Variants in ADAMTS17 observed in about 807,000 individuals in gnomAD.
ADAMTS17 encodes the protein ADAM metallopeptidase with thrombospondin type 1 motif 17, also known as A disintegrin and metalloproteinase with thrombospondin motifs 17.
In ADAMTS17, 113 loss-of-function variants were observed where a neutral mutation model predicts 141.5. That is an observed-to-expected ratio of 0.80 (90% CI 0.69 to 0.93). The LOEUF (loss-of-function observed/expected upper bound fraction) is 0.93, where lower values mean the gene tolerates loss of function less well. ADAMTS17 is among the 40% of genes least tolerant of loss of function. The pLI is 0.00. For synonymous variants in ADAMTS17, 768 were observed against 630.6 expected, an observed-to-expected ratio of 1.22 and a Z score of -3.27; for missense variants, 1,659 against 1,517.9, an observed-to-expected ratio of 1.09 and a Z score of -1.54.
chr15:100,221,172 G>A (rs2042122415), intron 7 of ADAMTS17, among the ~76,000 whole-genome samples: 1 of 151,822 alleles, frequency 6.6e-6, no homozygotes, highest in Admixed American at 6.6e-5. Context: ...ACACCTACAA[G>A]ATGCTCACAA....
chr15:100,025,966 A>G (rs529996898), intron 18 of ADAMTS17, among the ~76,000 whole-genome samples: 5 of 152,328 alleles, frequency 3.3e-5, no homozygotes, highest in East Asian at 1.9e-4. Context: ...TATATAAATT[A>G]TAAGTATACA....
intron 18 of ADAMTS17, among the ~76,000 whole-genome samples, chr15:100,018,217 T>C (rs755861493): frequency 5.9e-5 from 9 of 152,218 alleles, no homozygotes; most frequent in Non-Finnish European, 1.3e-4. Flanking sequence ...TCAATGTGCA[T>C]CTGTGTCGTA....
At chr15:100,046,736 TCTTTA>T (rs1375023020) in intron 18 of ADAMTS17, among the ~76,000 whole-genome samples, 5 of 152,322 alleles carry the variant, frequency 3.3e-5, no homozygotes, top group Admixed American at 1.3e-4. Context: ...CCTATGCCTG[TCTTTA>T]CTTTAATCTC....
chr15:100,039,575 T>C (rs2031060929), intron 18 of ADAMTS17, among the ~76,000 whole-genome samples: 1 of 152,248 alleles, frequency 6.6e-6, no homozygotes, highest in African/African-American at 2.4e-5. Flanking sequence ...CTTACTGATT[T>C]CTAATGTCAT....
intron 18 of ADAMTS17, among the ~76,000 whole-genome samples, chr15:100,030,494 C>T (rs1466054121): frequency 1.3e-5 from 2 of 152,126 alleles, no homozygotes; most frequent in Non-Finnish European, 2.9e-5. Context: ...TGTAATGAGC[C>T]ACCTGGGCAT....
In ADAMTS17 at chr15:100,188,751, C is replaced by A. The variant is rs553486894; in HGVS notation, c.1181+10567G>T. On this transcript the variant is annotated intron_variant, in intron 8 of 21. Coordinates refer to ENST00000268070, the MANE Select transcript of ADAMTS17 (RefSeq NM_139057.4). ...TCTCCAGGTGATAGAGGAGGCTGAA[C>A]GGAAACCTAGCGTCAAATTCCAAAG... 3.3e-5 allele frequency among the ~76,000 whole-genome samples: 5 copies of A among 152,286 alleles called. No homozygotes were observed. The South Asian group carries it at 1.0e-3, about 32-fold the overall frequency.
In ADAMTS17 at chr15:100,330,940, T is replaced by TGG; in HGVS notation, c.563_564dup (p.Ser189ProfsTer17). 6.2e-7 allele frequency: 1 copy of TGG among 1,614,134 alleles called. No homozygotes were observed. Among genetic ancestry groups the TGG allele is most frequent in the Non-Finnish European group, 8.5e-7 (1 of 1,180,030 alleles). On this transcript the variant is annotated frameshift_variant, in exon 3 of 22. Coordinates refer to ENST00000268070, the MANE Select transcript of ADAMTS17 (RefSeq NM_139057.4). LOFTEE classifies it high-confidence loss of function. ...GGTCTCTGGGCCTCAGCAGAAGGGC[T>TGG]GGGGGTCAAGGACCATTTGCGCCTG...
At chr15:100,019,092 G>A (rs545142176) in intron 18 of ADAMTS17, among the ~76,000 whole-genome samples, 3 of 152,324 alleles carry the variant, frequency 2.0e-5, no homozygotes, top group African/African-American at 7.2e-5. Flanking sequence ...ATGAATAAAT[G>A]TGTAAGACGA....
intron 8 of ADAMTS17, among the ~76,000 whole-genome samples, chr15:100,184,743 C>T (rs1194711402): frequency 1.3e-5 from 2 of 152,178 alleles, no homozygotes; most frequent in Non-Finnish European, 2.9e-5. Context: ...ACCTTCCCTC[C>T]GTCCATCATG....
At chr15:100,240,973 C>G (rs2042811072) in intron 7 of ADAMTS17, among the ~76,000 whole-genome samples, 1 of 152,008 alleles carries the variant, frequency 6.6e-6, no homozygotes, top group South Asian at 2.1e-4. Context: ...TTACAGGTGC[C>G]CGCCACCAAG....
At chr15:100,086,163 A>C in intron 15 of ADAMTS17, among the ~76,000 whole-genome samples, 1 of 152,212 alleles carries the variant, frequency 6.6e-6, no homozygotes. Flanking sequence ...CCTACCAAGC[A>C]GATGGAAAAC....
chr15:100,164,267 G>A (rs955953498), intron 8 of ADAMTS17, among the ~76,000 whole-genome samples: 2 of 152,174 alleles, frequency 1.3e-5, no homozygotes, highest in Non-Finnish European at 2.9e-5. Context: ...CCATCTAGAA[G>A]CATCCCTGGC....
intron 18 of ADAMTS17, among the ~76,000 whole-genome samples, chr15:100,003,188 C>A (rs1191511720): frequency 6.6e-6 from 1 of 152,108 alleles, no homozygotes; most frequent in Non-Finnish European, 1.5e-5. Flanking sequence ...CACTCACGAC[C>A]ATGGGTCCCA....
intron 20 of ADAMTS17, among the ~76,000 whole-genome samples, chr15:99,986,892 G>C (rs991383465): frequency 6.6e-6 from 1 of 152,212 alleles, no homozygotes; most frequent in African/African-American, 2.4e-5. Context: ...GAAGGCAGCT[G>C]CAGGTCATTT....
chr15:100,288,069 T>C (rs28807368), intron 3 of ADAMTS17, among the ~76,000 whole-genome samples: 36,217 of 152,064 alleles, frequency 0.24, 5,846 homozygotes, highest in African/African-American at 0.46. Flanking sequence ...AAGTGACAAG[T>C]TGGATAAAGA....
At chr15:100,293,224 C>A (rs561048756) in intron 3 of ADAMTS17, among the ~76,000 whole-genome samples, 2 of 152,216 alleles carry the variant, frequency 1.3e-5, no homozygotes, top group South Asian at 4.2e-4. Context: ...GGGAACAGAA[C>A]TCCAAGAAAG....
At chr15:100,201,663 T>G (rs2041338538) in intron 7 of ADAMTS17, among the ~76,000 whole-genome samples, 1 of 152,220 alleles carries the variant, frequency 6.6e-6, no homozygotes, top group African/African-American at 2.4e-5. Context: ...TGCAATGTGC[T>G]TAGTTAAAAA....
intron 13 of ADAMTS17, among the ~76,000 whole-genome samples, chr15:100,110,056 T>A (rs906448231): frequency 1.4e-4 from 21 of 151,812 alleles, no homozygotes; most frequent in Non-Finnish European, 2.6e-4. Flanking sequence ...CTTTTATTCA[T>A]CTTCAGATTG....
chr15:100,048,311 G>T (rs573088971), intron 18 of ADAMTS17, among the ~76,000 whole-genome samples: 1 of 152,078 alleles, frequency 6.6e-6, no homozygotes, highest in African/African-American at 2.4e-5. Flanking sequence ...GCTGATGAAC[G>T]CATTTCACAC....
Sources: gnomAD v4.1 joint callset for allele counts (sites outside exome capture counted in the v4.1 genomes callset) on GRCh38, gnomAD v4.1.1 for gene constraint, MANE v1.5 for transcripts, NCBI Gene and HGNC (gene_info 2026-07-23, HGNC 2026-07-21) for gene names.